KMT2A: variants seen among roughly 807,000 people sequenced by gnomAD.
KMT2A encodes the protein lysine methyltransferase 2A.
A neutral mutation model predicts 345.3 loss-of-function variants in KMT2A; 16 were observed. That is an observed-to-expected ratio of 0.05 (90% CI 0.03 to 0.07). The LOEUF (loss-of-function observed/expected upper bound fraction) is 0.07. KMT2A is among the 10% of genes least tolerant of loss of function. KMT2A has a pLI of 1.00. For synonymous variants in KMT2A, 1,599 were observed against 1,778.6 expected, an observed-to-expected ratio of 0.90 and a Z score of 2.54; for missense variants, 3,272 against 4,841.6, an observed-to-expected ratio of 0.68 and a Z score of 9.62.
rs144944070 is a variant in KMT2A, at chr11:118,491,826, G to A, written c.4902G>A (p.Glu1634=). 31 of 1,614,192 alleles carry A rather than the reference G, an allele frequency of 1.9e-5. No homozygotes were observed. The African/African-American group carries it at 4.0e-4, about 21-fold the overall frequency. ...ACTGTACTGAGCGGCACCCTGCAGA[G>A]TGGCGACTGGCCCTTGAAAAAGAGC... ...CVNCTERHPA[E]WRLALEKELQ... The change falls in exon 15 of 36, where the codon GAG becomes GAA. Residue 1634 remains glutamate (E), a synonymous_variant. Transcript: ENST00000534358. The surrounding 1 kb of genome is among the most constrained non-coding windows in gnomAD (Gnocchi z 4.2).
At chr11:118,519,077 CAAAAAAAAAAAA>C (rs11443977) in intron 31 of KMT2A, among the ~76,000 whole-genome samples, 4 of 66,448 alleles carry the variant, frequency 6.0e-5, no homozygotes, top group African/African-American at 2.5e-4. Context: ...GACTCCATCT[CAAAAAAAAAAAA>C]AAAAAAAAAA....
At chr11:118,451,207 CTTTTTTTTTTTT>C (rs1167567348) in intron 1 of KMT2A, among the ~76,000 whole-genome samples, 5 of 121,012 alleles carry the variant, frequency 4.1e-5, no homozygotes, top group Non-Finnish European at 8.7e-5. Context: ...CTATCTAATT[CTTTTTTTTTTTT>C]TTTTTTTTTA....
chr11:118,507,662 A>T, intron 28 of KMT2A, 53 bp downstream of exon 28: 1 of 1,463,018 alleles, frequency 6.8e-7, no homozygotes, highest in South Asian at 1.1e-5. Context: ...TGTCCACCTC[A>T]TTTAAAAAAT....
In KMT2A at chr11:118,496,494, A is replaced by G. The variant is rs1433907355; in HGVS notation, c.5664+127A>G. 7.1e-6 allele frequency: 4 copies of G among 567,250 alleles called. No homozygotes were observed. The highest frequency in any genetic ancestry group is 1.2e-5 in the Non-Finnish European group (4 of 320,894). The allele number at this position is 567,250 out of a possible 1,614,324, so 35.1% of individuals were successfully genotyped here. On this transcript the variant is annotated intron_variant, in intron 20 of 35. Coordinates refer to ENST00000534358, the MANE Select transcript of KMT2A (RefSeq NM_001197104.2). This position sits in a 1 kb window ranked among gnomAD's most constrained non-coding sequence, Gnocchi z 4.7. ...CTTACTTATAACTTACTAATTTATA[A>G]CTTTTATTTACCTATAACTTATAAC...
intron 1 of KMT2A, among the ~76,000 whole-genome samples, chr11:118,442,436 C>A (rs1372319982): frequency 2.0e-5 from 3 of 152,196 alleles, no homozygotes; most frequent in Non-Finnish European, 2.9e-5. Context: ...CCACAGAGTT[C>A]ACTGTTACAA....
Position 118,473,130 on chromosome 11 carries a change from T to C in KMT2A, c.1971T>C (p.Thr657=). The C allele has an allele frequency of 6.2e-7, 1 of 1,614,120 alleles. No homozygotes were observed. The highest frequency in any genetic ancestry group is 1.1e-5 in the South Asian group (1 of 91,078). ...ATAATTTCCGACCCCCTCCACTAAC[T>C]CCCGAGGACGTTGGCTTTGCATCTG... is the stretch of plus-strand genomic sequence containing the variant. ...IFDNFRPPPL[T]PEDVGFASGF... is the part of the protein sequence containing the mutation. Residue 657 remains threonine, a synonymous_variant, in exon 3 of 36, where the codon ACT becomes ACC. Transcript: ENST00000534358. The surrounding 1 kb of genome is among the most constrained non-coding windows in gnomAD (Gnocchi z 5.2).
At chr11:118,485,533 G>A (rs894148223) in intron 10 of KMT2A, among the ~76,000 whole-genome samples, 2 of 152,096 alleles carry the variant, frequency 1.3e-5, no homozygotes, top group African/African-American at 2.4e-5. Flanking sequence ...AATAAATGGG[G>A]ACTTTCTGTT....
chr11:118,502,975 G>A lies in KMT2A; in HGVS notation c.7083G>A (p.Ser2361=), dbSNP rs192173056. ...CCTTTGCTGAACCCTCTTCAGTGTC[G>A]TTTTCTTCTAAAGAGGCCCTCTCCT... ...IGSFAEPSSV[S]FSSKEALSFP... The change falls in exon 27 of 36, where the codon TCG becomes TCA. Residue 2361 remains serine, a synonymous_variant. Coordinates refer to ENST00000534358, the MANE Select transcript of KMT2A (RefSeq NM_001197104.2). The surrounding 1 kb of genome is among the most constrained non-coding windows in gnomAD (Gnocchi z 4.9). The A allele has an allele frequency of 2.1e-5, 34 of 1,614,026 alleles. No individual in the cohort carries two copies. The Admixed American group carries it at 2.3e-4, about 11-fold the overall frequency.
rs1240300414 is a variant in KMT2A, at chr11:118,526,319, G to A, written c.*4147G>A. Reference sequence around the variant, plus strand: ...TTGGGGTTACCACCTGCATTTAGGGGAAAATTGTGTTCTGTGCTTTCCTGG... The same window carrying A: ...TTGGGGTTACCACCTGCATTTAGGGAAAAATTGTGTTCTGTGCTTTCCTGG... On this transcript the variant is annotated 3_prime_UTR_variant, in exon 36 of 36. Coordinates refer to ENST00000534358, the MANE Select transcript of KMT2A (RefSeq NM_001197104.2). 3 of 224,658 alleles carry A rather than the reference G, an allele frequency of 1.3e-5. No individual in the cohort carries two copies. Among genetic ancestry groups the A allele is most frequent in the African/African-American group, 4.5e-5 (2 of 44,846 alleles). 13.9% of individuals were successfully genotyped at this position (224,658 alleles called of 1,614,324 possible). A position where few individuals can be genotyped will look rare whatever the true frequency, so the allele number is the denominator to read the frequency against.
rs139989306 is a variant in KMT2A at position 118,474,124 on chromosome 11, C to T, written c.2965C>T (p.Leu989Phe). The change falls in exon 3 of 36, where the codon CTC becomes TTC. Residue 989 changes from leucine to phenylalanine, a missense_variant. Leu to Phe is a conservative substitution (Grantham distance 22). Around this residue, in one of 27 missense-constraint regions of KMT2A, gnomAD observed 39 missense variants for 88.9 expected, o/e 0.44. Coordinates refer to ENST00000534358, the MANE Select transcript of KMT2A (RefSeq NM_001197104.2). ...CCCATCCCTGGAGAAGGAGAAAACC[C>T]TCTGCCTTTCCACTCCTTCATCTAG... ...TAPSLEKEKT[L>F]CLSTPSSSTV... The T allele has an allele frequency of 1.2e-3, 1,961 of 1,614,188 alleles. 5 individuals are homozygous for T. The highest frequency in any genetic ancestry group is 1.4e-3 in the Non-Finnish European group (1,628 of 1,180,020).
chr11:118,502,697 T>C lies in KMT2A; in HGVS notation c.6805T>C (p.Leu2269=), dbSNP rs374481108. ...GCAAAACACTTCCACCTCTTCAAAT[T>C]TGCAAAGGACAGTGGTTACTGTAGG... ...LGQNTSTSSN[L]QRTVVTVGNK... Residue 2269 remains leucine, a synonymous_variant, in exon 27 of 36, where the codon TTG becomes CTG. Coordinates refer to ENST00000534358, the MANE Select transcript of KMT2A (RefSeq NM_001197104.2). This position sits in a 1 kb window ranked among gnomAD's most constrained non-coding sequence, Gnocchi z 4.9. 1 of 1,614,092 alleles carries C rather than the reference T, an allele frequency of 6.2e-7. No individual in the cohort carries two copies. The highest frequency in any genetic ancestry group is 2.2e-5 in the East Asian group (1 of 44,886).
chr11:118,524,973 C>A lies in KMT2A; in HGVS notation c.*2801C>A, dbSNP rs979709240. 9.5e-6 allele frequency: 2 copies of A among 210,582 alleles called. No individual in the cohort carries two copies. Among genetic ancestry groups the A allele is most frequent in the Non-Finnish European group, 1.9e-5 (2 of 103,560 alleles). 13.0% of individuals were successfully genotyped at this position (210,582 alleles called of 1,614,324 possible). A position where few individuals can be genotyped will look rare whatever the true frequency, so the allele number is the denominator to read the frequency against. The stretch of plus-strand genomic sequence containing the variant: ...GATGGTTTGCCTTGCCTTTCCACCC[C>A]CTAATTGTCAACCACAAAAATGAGA... On this transcript the variant is annotated 3_prime_UTR_variant, in exon 36 of 36. Transcript: ENST00000534358.
intron 6 of KMT2A, among the ~76,000 whole-genome samples, chr11:118,481,406 C>T (rs782676153): frequency 1.3e-5 from 2 of 152,166 alleles, no homozygotes; most frequent in Non-Finnish European, 2.9e-5. Context: ...CTAGTTCCAT[C>T]CATGTTGTTT....
At chr11:118,486,981 A>G (rs547687222) in intron 10 of KMT2A, among the ~76,000 whole-genome samples, 1 of 152,344 alleles carries the variant, frequency 6.6e-6, no homozygotes, top group Non-Finnish European at 1.5e-5. Flanking sequence ...TAGCTAAGAA[A>G]GTCAACCCTG....
At position 118,493,223 on chromosome 11, in the gene KMT2A, C is replaced by T; in HGVS notation, c.5171C>T (p.Thr1724Ile). ...VKRKMDQGNY[T>I]SVLEFSDDIV... ...AGGAAGATGGACCAAGGGAATTACA[C>T]ATCTGTGGTATGTTTCTACAGTGAG... Residue 1724 changes from threonine (T) to isoleucine (I), a missense_variant, in exon 16 of 36, where the codon ACA becomes ATA. This residue lies in a region of KMT2A where 235 missense variants were observed against 503.4 expected (regional missense o/e 0.47). Transcript: ENST00000534358. The surrounding 1 kb of genome is among the most constrained non-coding windows in gnomAD (Gnocchi z 5.8). The T allele has an allele frequency of 6.2e-7, 1 of 1,613,862 alleles. No individual in the cohort carries two copies. Among genetic ancestry groups the T allele is most frequent in the Non-Finnish European group, 8.5e-7 (1 of 1,179,764 alleles).
In KMT2A at chr11:118,497,835, G is replaced by C. The variant is rs1478650055; in HGVS notation, c.5665-101G>C. On this transcript the variant is annotated intron_variant, in intron 20 of 35. Transcript: ENST00000534358. The surrounding 1 kb of genome is among the most constrained non-coding windows in gnomAD (Gnocchi z 4.8). ...TGCCTCCCTCCATTAAAGAATTATA[G>C]TTGCTTTCTTGAGGTTATCTTCACT... is the stretch of plus-strand genomic sequence containing the variant. 1.2e-6 allele frequency: 1 copy of C among 860,010 alleles called. No homozygotes were observed. Among genetic ancestry groups the C allele is most frequent in the Non-Finnish European group, 1.8e-6 (1 of 544,852 alleles). The allele number at this position is 860,010 out of a possible 1,614,324, so 53.3% of individuals were successfully genotyped here. A position where few individuals can be genotyped will look rare whatever the true frequency, so the allele number is the denominator to read the frequency against.
At position 118,504,421 on chromosome 11, in the gene KMT2A, C is replaced by T. The variant is rs782511279; in HGVS notation, c.8529C>T (p.Asp2843=). The T allele has an allele frequency of 8.7e-6, 14 of 1,614,128 alleles. No individual in the cohort carries two copies. Among genetic ancestry groups the T allele is most frequent in the Non-Finnish European group, 1.1e-5 (13 of 1,180,000 alleles). Reference sequence around the variant, plus strand: ...ATTCAGACAATAACAACAGTGATGACTGTGGGAATATCCTGCCTTCAGACA... The same window carrying T: ...ATTCAGACAATAACAACAGTGATGATTGTGGGAATATCCTGCCTTCAGACA... ...KSDSDNNNSD[D]CGNILPSDIM... Residue 2843 remains aspartate, a synonymous_variant, in exon 27 of 36, where the codon GAC becomes GAT. Transcript: ENST00000534358. This position sits in a 1 kb window ranked among gnomAD's most constrained non-coding sequence, Gnocchi z 6.4.
chr11:118,473,529 T>C lies in KMT2A; in HGVS notation c.2370T>C (p.Ser790=), dbSNP rs2134267946. 4 of 1,614,196 alleles carry C rather than the reference T, an allele frequency of 2.5e-6. No individual in the cohort carries two copies. In the South Asian group the frequency reaches 3.3e-5, roughly 13 times the overall value. ...TTTCTGTTAGTCCTCTTGCCACTAG[T>C]GCCTTAAACCCAACTTTTACTTTTC... ...LSISVSPLAT[S]ALNPTFTFPS... Residue 790 remains serine (S), a synonymous_variant, in exon 3 of 36, where the codon AGT becomes AGC. Coordinates refer to ENST00000534358, the MANE Select transcript of KMT2A (RefSeq NM_001197104.2). This position sits in a 1 kb window ranked among gnomAD's most constrained non-coding sequence, Gnocchi z 5.2.
chr11:118,509,359 A>G (rs1358190041), intron 29 of KMT2A, among the ~76,000 whole-genome samples, 159 bp downstream of exon 29: 2 of 151,614 alleles, frequency 1.3e-5, no homozygotes, highest in Non-Finnish European at 2.9e-5. Context: ...AACTTGGCGC[A>G]CCTGTCTCTC....
Sources: gnomAD v4.1 joint callset for allele counts (sites outside exome capture counted in the v4.1 genomes callset) on GRCh38, gnomAD v4.1.1 for gene constraint, gnomAD v4.1.1 regional missense constraint, Gnocchi (gnomAD v3.1) non-coding constraint, MANE v1.5 for transcripts, NCBI Gene and HGNC (gene_info 2026-07-23, HGNC 2026-07-21) for gene names.